POLR3B: variants seen among roughly 807,000 people sequenced by gnomAD.
POLR3B encodes the protein RNA polymerase III subunit B.
In POLR3B, 96 loss-of-function variants were observed where a neutral mutation model predicts 147.4. The ratio of observed to expected loss-of-function variants is 0.65; its 90% CI spans 0.55 to 0.77. The LOEUF (loss-of-function observed/expected upper bound fraction) is 0.77, where lower values mean the gene tolerates loss of function less well. POLR3B is among the 30% of genes least tolerant of loss of function. The probability of loss-of-function intolerance (pLI) is 0.00; values close to 1 mark genes in which losing one functional copy is unlikely to be tolerated. For missense variants in POLR3B, 1,036 were observed against 1,413.5 expected (o/e 0.73, Z 4.28); for synonymous variants, 461 against 485.9 (o/e 0.95, Z 0.67).
In POLR3B at chr12:106,463,503, A is replaced by G. The variant is rs751352752; in HGVS notation, c.2596A>G (p.Ile866Val). The change falls in exon 23 of 28, where the codon ATT (isoleucine) becomes GTT (valine). Residue 866 changes from isoleucine (I) to valine (V), a missense_variant. Ile to Val is a conservative substitution (Grantham distance 29, BLOSUM62 3). Around this residue, in one of 12 missense-constraint regions of POLR3B, gnomAD observed 202 missense variants for 272.8 expected, o/e 0.74. Transcript: ENST00000228347. ...CTACAAAGGAGCAACAGACTCATAT[A>G]TTGAAAAAGTGATGATATCTTCAAA... Reference protein sequence around the residue: ...ITYKGATDSYIEKVMISSNAE... With the variant: ...ITYKGATDSYVEKVMISSNAE... 3 of 1,613,580 alleles carry G rather than the reference A, an allele frequency of 1.9e-6. No homozygotes were observed. The South Asian group carries it at 3.3e-5, about 18-fold the overall frequency.
intron 18 of POLR3B, 125 bp from the exon 19 acceptor site, chr12:106,444,338 A>G: frequency 2.3e-6 from 2 of 861,138 alleles, no homozygotes; most frequent in Admixed American, 2.0e-5. Flanking sequence ...CAGTTTTACT[A>G]GCATCAAATT....
intron 8 of POLR3B, among the ~76,000 whole-genome samples, chr12:106,379,443 A>G (rs2036729594): frequency 6.6e-6 from 1 of 152,248 alleles, no homozygotes; most frequent in Non-Finnish European, 1.5e-5. Context: ...GAGCTAATGT[A>G]AGTAACATGG....
intron 23 of POLR3B, among the ~76,000 whole-genome samples, chr12:106,465,584 G>C (rs2037993096): frequency 6.6e-6 from 1 of 152,090 alleles, no homozygotes; most frequent in Non-Finnish European, 1.5e-5. Context: ...ACCTACATTA[G>C]GTATTTCTCC....
intron 13 of POLR3B, among the ~76,000 whole-genome samples, chr12:106,428,054 A>C (rs1027078766): frequency 6.6e-6 from 1 of 152,148 alleles, no homozygotes; most frequent in Non-Finnish European, 1.5e-5. Flanking sequence ...TTGCTTCAAT[A>C]CTTGACTTTA....
At chr12:106,432,724 C>A (rs894317534) in intron 15 of POLR3B, among the ~76,000 whole-genome samples, 3 of 152,158 alleles carry the variant, frequency 2.0e-5, no homozygotes, top group African/African-American at 7.2e-5. Flanking sequence ...GCTGCTTTCT[C>A]CCCTTTTGCA....
chr12:106,490,421 T>A (rs2038392227), intron 23 of POLR3B, among the ~76,000 whole-genome samples: 1 of 152,226 alleles, frequency 6.6e-6, no homozygotes, highest in Non-Finnish European at 1.5e-5. Flanking sequence ...GTAAAAACTG[T>A]ATTGTCTTCT....
In POLR3B at chr12:106,369,594, A is replaced by G. The variant is rs2036576976; in HGVS notation, c.315A>G (p.Arg105=). 2 of 1,609,594 alleles carry G rather than the reference A, an allele frequency of 1.2e-6. No individual in the cohort carries two copies. The highest frequency in any genetic ancestry group is 1.7e-6 in the Non-Finnish European group (2 of 1,176,018). The change falls in exon 6 of 28, where the codon AGA becomes AGG. Residue 105 remains arginine (R), a synonymous_variant. Coordinates refer to ENST00000228347, the MANE Select transcript of POLR3B (RefSeq NM_018082.6). ...TGATTCTCTTTCAGTGCCGTTTGAG[A>G]GACATGACATACTCTGCCCCTATTA... ...RPVSPHECRL[R]DMTYSAPITV... is the part of the protein sequence containing the mutation.
At chr12:106,370,374 T>C (rs1354583196) in intron 6 of POLR3B, among the ~76,000 whole-genome samples, 1 of 152,172 alleles carries the variant, frequency 6.6e-6, no homozygotes. Context: ...CAAAATACAG[T>C]TCCTATTGGC....
At chr12:106,360,222 C>T (rs1001611853) in intron 1 of POLR3B, among the ~76,000 whole-genome samples, 3 of 152,236 alleles carry the variant, frequency 2.0e-5, no homozygotes, top group Non-Finnish European at 4.4e-5. Flanking sequence ...AACACACAAA[C>T]ATGGTTATGT....
chr12:106,471,928 T>A (rs369657116), intron 23 of POLR3B, among the ~76,000 whole-genome samples: 2 of 150,754 alleles, frequency 1.3e-5, no homozygotes, highest in Non-Finnish European at 3.0e-5. Context: ...TAGTTACATA[T>A]GTATACATGT....
intron 23 of POLR3B, among the ~76,000 whole-genome samples, chr12:106,468,459 G>A (rs1004143078): frequency 4.6e-5 from 7 of 151,988 alleles, no homozygotes; most frequent in African/African-American, 1.7e-4. Flanking sequence ...CTTCAGTTCT[G>A]CTCTGATCTT....
chr12:106,442,118 C>T (rs1043678833), intron 18 of POLR3B, among the ~76,000 whole-genome samples: 3 of 150,708 alleles, frequency 2.0e-5, no homozygotes, highest in Non-Finnish European at 4.4e-5. Flanking sequence ...AGAAATCTCC[C>T]AATTCCTGTT....
chr12:106,477,819 G>A (rs527721283), intron 23 of POLR3B, among the ~76,000 whole-genome samples: 2 of 147,440 alleles, frequency 1.4e-5, no homozygotes, highest in East Asian at 2.0e-4. Flanking sequence ...GAAATCACCC[G>A]TCTTCTGCGT....
chr12:106,481,274 G>T (rs950667017), intron 23 of POLR3B, among the ~76,000 whole-genome samples: 1 of 152,236 alleles, frequency 6.6e-6, no homozygotes, highest in Non-Finnish European at 1.5e-5. Flanking sequence ...AGTGGTGCCA[G>T]TTCAGAAGCT....
intron 23 of POLR3B, among the ~76,000 whole-genome samples, chr12:106,467,812 C>T (rs919739317): frequency 3.3e-5 from 5 of 152,126 alleles, no homozygotes; most frequent in African/African-American, 7.2e-5. Flanking sequence ...CCGACTTGAT[C>T]GTGGTGGAAA....
chr12:106,507,562 C>T (rs925697155), intron 27 of POLR3B: 15 of 260,792 alleles, frequency 5.8e-5, no homozygotes, highest in East Asian at 2.4e-4. Context: ...ACATTAAAAA[C>T]GTAATTTTTG....
At chr12:106,435,647 A>G (rs921279396) in intron 16 of POLR3B, among the ~76,000 whole-genome samples, 11 of 152,146 alleles carry the variant, frequency 7.2e-5, no homozygotes, top group African/African-American at 2.2e-4. Context: ...AATGGAAACA[A>G]TAATGCCTGC....
At position 106,500,758 on chromosome 12, in the gene POLR3B, G is replaced by A. The variant is rs148762086; in HGVS notation, c.2985-565G>A. Among the ~76,000 whole-genome samples the A allele has an allele frequency of 4.5e-3, 678 of 152,308 alleles. 4 individuals carry two copies. The highest frequency in any genetic ancestry group is 0.016 in the African/African-American group (653 of 41,570). ...AGTAATGAAGAGGCCAGTGTTGTTGGAGTAGAGTGACTGGCGGGACACTGG... is the reference window on the plus strand; with the variant it reads ...AGTAATGAAGAGGCCAGTGTTGTTGAAGTAGAGTGACTGGCGGGACACTGG... On this transcript the variant is annotated intron_variant, in intron 25 of 27. Coordinates refer to ENST00000228347, the MANE Select transcript of POLR3B (RefSeq NM_018082.6).
At chr12:106,393,491 TTGTGTGTGTGTGTGTG>T (rs71072674) in intron 10 of POLR3B, among the ~76,000 whole-genome samples, 4 of 141,380 alleles carry the variant, frequency 2.8e-5, no homozygotes, top group Non-Finnish European at 4.6e-5. Flanking sequence ...TGTACAGGTT[TTGTGTGTGTGTGTGTG>T]TGTGTGTGTG....
Sources: gnomAD v4.1 joint callset for allele counts (sites outside exome capture counted in the v4.1 genomes callset) on GRCh38, gnomAD v4.1.1 for gene constraint, gnomAD v4.1.1 regional missense constraint, MANE v1.5 for transcripts, NCBI Gene and HGNC (gene_info 2026-07-23, HGNC 2026-07-21) for gene names.